The following LMLN variants were observed in gnomAD, a reference collection of about 807,000 sequenced individuals.
LMLN encodes the protein leishmanolysin-like peptidase.
Under a neutral mutation model 92.3 loss-of-function variants are expected in LMLN, and 70 were observed. The ratio of observed to expected loss-of-function variants is 0.76; its 90% confidence interval spans 0.63 to 0.92. LMLN has a LOEUF of 0.92. Ranked by LOEUF, LMLN falls within the 40% of genes least tolerant of loss-of-function variation. The pLI, the probability that LMLN is intolerant of heterozygous loss-of-function variation, is 0.00. For missense variants in LMLN, 691 were observed against 814.6 expected (o/e 0.85, Z 1.85); for synonymous variants, 308 against 296.2 (o/e 1.04, Z -0.41).
chr3:197,965,007 CAAAAAAAA>C (rs954254964), intron 1 of LMLN, among the ~76,000 whole-genome samples: 54 of 91,052 alleles, frequency 5.9e-4, no homozygotes, highest in African/African-American at 2.0e-3. Flanking sequence ...AACTCTGTCT[CAAAAAAAA>C]AAAAAAAAAG....
At chr3:197,998,177 A>T (rs1460880281) in intron 10 of LMLN, among the ~76,000 whole-genome samples, 1 of 152,234 alleles carries the variant, frequency 6.6e-6, no homozygotes, top group East Asian at 1.9e-4. Context: ...CAATAGACAG[A>T]TGGGAGGACC....
intron 14 of LMLN, among the ~76,000 whole-genome samples, chr3:198,030,245 C>A (rs751339626): frequency 1.3e-5 from 2 of 152,240 alleles, no homozygotes; most frequent in African/African-American, 2.4e-5. Flanking sequence ...TGGTTCGCCT[C>A]GTCCTCTTGC....
chr3:198,013,367 C>G (rs1722508805), intron 11 of LMLN, among the ~76,000 whole-genome samples: 1 of 92,566 alleles, frequency 1.1e-5, no homozygotes, highest in East Asian at 2.7e-4. Context: ...TCAGAGCCCC[C>G]TAACTAGTCT....
intron 11 of LMLN, among the ~76,000 whole-genome samples, chr3:198,010,757 T>C (rs1335000331): frequency 6.6e-6 from 1 of 152,216 alleles, no homozygotes; most frequent in African/African-American, 2.4e-5. Context: ...GGCCTATTTT[T>C]CTCTTCTTAA....
intron 11 of LMLN, among the ~76,000 whole-genome samples, chr3:198,012,373 G>A (rs1412142710): frequency 6.6e-6 from 1 of 152,210 alleles, no homozygotes; most frequent in Admixed American, 6.5e-5. Flanking sequence ...TCGGACGCTG[G>A]GTGAAGCGTT....
chr3:197,997,335 T>C (rs1722055521), intron 10 of LMLN, among the ~76,000 whole-genome samples: 2 of 152,138 alleles, frequency 1.3e-5, no homozygotes, highest in Admixed American at 6.5e-5. Flanking sequence ...GGTTTCACCA[T>C]GTTGCCCAGG....
At chr3:198,010,945 G>C (rs1351735155) in intron 11 of LMLN, among the ~76,000 whole-genome samples, 1 of 151,580 alleles carries the variant, frequency 6.6e-6, no homozygotes, top group East Asian at 1.9e-4. Flanking sequence ...ATTCTTCTTT[G>C]ACCCATCGAT....
chr3:198,010,379 C>T (rs944336513), intron 11 of LMLN, among the ~76,000 whole-genome samples: 1 of 152,046 alleles, frequency 6.6e-6, no homozygotes, highest in Non-Finnish European at 1.5e-5. Context: ...GAACTCCTGA[C>T]CTCAAGTGAT....
chr3:197,983,831 T>C (rs547848375), intron 6 of LMLN, 112 bp from the exon 7 acceptor site: 69 of 644,376 alleles, frequency 1.1e-4, no homozygotes, highest in South Asian at 4.9e-4. Context: ...CAAAATTGCA[T>C]TGGATACTTT....
Position 197,984,056 on chromosome 3 carries a change from C to T in LMLN, c.834+8C>T. The T allele has an allele frequency of 6.4e-7, 1 of 1,551,442 alleles. No homozygotes were observed. Among genetic ancestry groups the T allele is most frequent in the Non-Finnish European group, 8.9e-7 (1 of 1,123,174 alleles). ...GAGGTTATTCATGCCCTGGTAAATT[C>T]TAGCCTTACTGTTCTTTCCTTCATG... On this transcript the variant is annotated splice_region_variant and intron_variant, in intron 7 of 15. Transcript: ENST00000330198.
At chr3:197,985,665 G>A (rs1222534119) in intron 7 of LMLN, 131 bp from the exon 8 acceptor site, 1 of 519,480 alleles carries the variant, frequency 1.9e-6, no homozygotes, top group African/African-American at 1.9e-5. Flanking sequence ...TCCAGCGTAG[G>A]AGAAGTTCCT....
chr3:198,017,406 G>A (rs1051357432), intron 11 of LMLN, among the ~76,000 whole-genome samples: 18 of 152,150 alleles, frequency 1.2e-4, no homozygotes, highest in African/African-American at 3.4e-4. Flanking sequence ...TTGAGTGAGC[G>A]TAGGCAGAGC....
intron 14 of LMLN, among the ~76,000 whole-genome samples, chr3:198,034,666 GT>G (rs1723164233): frequency 6.6e-6 from 1 of 152,090 alleles, no homozygotes; most frequent in African/African-American, 2.4e-5. Flanking sequence ...TGTTTTAAAA[GT>G]TAGCATTAAT....
intron 10 of LMLN, among the ~76,000 whole-genome samples, chr3:197,996,940 C>T (rs1722036083): frequency 6.6e-6 from 1 of 152,038 alleles, no homozygotes; most frequent in African/African-American, 2.4e-5. Context: ...CACCACTGCA[C>T]CCAGCCTACT....
chr3:197,972,870 A>G (rs1056901440), intron 1 of LMLN, among the ~76,000 whole-genome samples: 1 of 152,154 alleles, frequency 6.6e-6, no homozygotes, highest in African/African-American at 2.4e-5. Flanking sequence ...ACTGGGTTTC[A>G]TATGCAGATT....
At chr3:197,981,945 C>T (rs1721568958) in intron 6 of LMLN, among the ~76,000 whole-genome samples, 1 of 152,158 alleles carries the variant, frequency 6.6e-6, no homozygotes, top group African/African-American at 2.4e-5. Context: ...GCTGGAACTA[C>T]AGGTGTGCGC....
rs1260852398 is a variant in LMLN, at chr3:198,020,766, G to GTTTGTTTTT, written c.1366-679_1366-678insTTGTTTTTT. Among the ~76,000 whole-genome samples the GTTTGTTTTT allele has an allele frequency of 3.4e-3, 87 of 25,620 alleles. 3 individuals carry two copies. Among genetic ancestry groups the GTTTGTTTTT allele is most frequent in the African/African-American group, 0.015 (84 of 5,458 alleles). 16.8% of individuals were successfully genotyped at this position (25,620 alleles called of 152,430 possible). On this transcript the variant is annotated intron_variant, in intron 12 of 15. Coordinates refer to ENST00000330198, the Ensembl canonical transcript of LMLN. Reference sequence around the variant, plus strand: ...GCGCCACCACACCCAGCTAATTTTTGTATTTTTTTTTTTTTTTTTTTTTTT... The same window carrying GTTTGTTTTT: ...GCGCCACCACACCCAGCTAATTTTTGTTTGTTTTTTATTTTTTTTTTTTTTTTTTTTTTT...
chr3:197,981,806 C>CTTT (rs560078859), intron 6 of LMLN, among the ~76,000 whole-genome samples: 2 of 140,768 alleles, frequency 1.4e-5, no homozygotes, highest in African/African-American at 5.2e-5. Flanking sequence ...GTCAGCTAGT[C>CTTT]TTTTTTTTTT....
In LMLN at chr3:198,017,311, C is replaced by G. The variant is rs1239162857; in HGVS notation, c.1233-1942C>G. ...CTGCCTGTATGTATGTTAGAGATTC[C>G]AGTGTGGCTGTTCTCAAGCACTTCT... On this transcript the variant is annotated intron_variant, in intron 11 of 15. Transcript: ENST00000330198. Among the ~76,000 whole-genome samples the G allele has an allele frequency of 2.0e-5, 3 of 152,104 alleles. No homozygotes were observed. In the East Asian group the frequency reaches 5.8e-4, roughly 29 times the overall value.
Sources: allele counts gnomAD v4.1 joint callset (sites outside exome capture counted in the v4.1 genomes callset), GRCh38; gene constraint gnomAD v4.1.1; transcripts MANE v1.5; gene names NCBI Gene and HGNC (gene_info 2026-07-23, HGNC 2026-07-21).